Variants in SANBR observed in about 807,000 individuals in gnomAD.
SANBR encodes the protein SANT and BTB domain regulator of class switch recombination.
In SANBR, 77 loss-of-function variants were observed where a neutral mutation model predicts 101.8. The observed-to-expected ratio is 0.76, with a 90% CI of 0.63 to 0.91. SANBR has a LOEUF of 0.91. Among genes scored for constraint, SANBR ranks in the 40% least tolerant of loss-of-function variants. The pLI, the probability that SANBR is intolerant of heterozygous loss-of-function variation, is 0.00. For synonymous variants in SANBR, 279 were observed against 274.7 expected, an observed-to-expected ratio of 1.02 and a Z score of -0.15; for missense variants, 875 against 853.0, an observed-to-expected ratio of 1.03 and a Z score of -0.32.
chr2:61,101,553 G>A (rs1312978425), intron 12 of SANBR, among the ~76,000 whole-genome samples: 4 of 151,796 alleles, frequency 2.6e-5, no homozygotes, highest in Admixed American at 2.6e-4. Context: ...CTAACACGCT[G>A]AAACGCCTTC....
In SANBR at chr2:61,070,267, A is replaced by G. The variant is rs1035471327; in HGVS notation, c.-9-75A>G. On this transcript the variant is annotated intron_variant, in intron 2 of 21. Coordinates refer to ENST00000402291, the MANE Select transcript of SANBR (RefSeq NM_001129993.3). ...AGCAGATAATTATTAGGAATGAATT[A>G]TAACTGATCTGTAATGTTCTGAAAA... 4 of 1,099,598 alleles carry G rather than the reference A, an allele frequency of 3.6e-6. No individual in the cohort carries two copies. In the African/African-American group the frequency reaches 4.9e-5, roughly 13 times the overall value. 68.1% of individuals were successfully genotyped at this position (1,099,598 alleles called of 1,614,324 possible).
At chr2:61,101,863 C>T (rs533456768) in intron 12 of SANBR, among the ~76,000 whole-genome samples, 2 of 151,308 alleles carry the variant, frequency 1.3e-5, no homozygotes, top group South Asian at 4.2e-4. Context: ...ATGGCGAAAA[C>T]ACTGTCTCTA....
At chr2:61,134,828 A>T (rs996225413) in intron 21 of SANBR, among the ~76,000 whole-genome samples, 1 of 151,202 alleles carries the variant, frequency 6.6e-6, no homozygotes, top group African/African-American at 2.4e-5. Flanking sequence ...TGGGAGGTGG[A>T]GGTTGCAGTG....
chr2:61,066,052 G>A lies in SANBR; in HGVS notation c.-147+25G>A, dbSNP rs1036170450. ...GGTGAGCGAGACGCCGAGGGGGCTC[G>A]GGTGCCCACCGCGGGGCGGGAAGTG... On this transcript the variant is annotated intron_variant, in intron 1 of 21. Transcript: ENST00000402291. 35 of 152,138 alleles carry A rather than the reference G, an allele frequency of 2.3e-4. 1 individual carries two copies. The highest frequency in any genetic ancestry group is 4.1e-4 in the Non-Finnish European group (28 of 68,146). The allele number at this position is 152,138 out of a possible 1,614,324, so 9.4% of individuals were successfully genotyped here. A position where few individuals can be genotyped will look rare whatever the true frequency, so the allele number is the denominator to read the frequency against.
intron 4 of SANBR, among the ~76,000 whole-genome samples, chr2:61,072,997 C>T (rs1205920074): frequency 6.6e-6 from 1 of 151,814 alleles, no homozygotes; most frequent in Non-Finnish European, 1.5e-5. Flanking sequence ...GAGCCTACAG[C>T]CACTCTTTAT....
chr2:61,077,153 C>G lies in SANBR; in HGVS notation c.665C>G (p.Thr222Ser). 1 of 1,585,758 alleles carries G rather than the reference C, an allele frequency of 6.3e-7. No homozygotes were observed. Among genetic ancestry groups the G allele is most frequent in the Admixed American group, 1.7e-5 (1 of 59,334 alleles). Residue 222 changes from threonine to serine, a missense_variant, in exon 6 of 22, where the codon ACT (threonine) becomes AGT (serine). Coordinates refer to ENST00000402291, the MANE Select transcript of SANBR (RefSeq NM_001129993.3). ...GAGAATAAAGATTGTGAGATGCCCA[C>G]TTTAGGTAAAAAACAATCTGTTGCT... ...TKENKDCEMP[T>S]LEPGNVISIL...
At chr2:61,124,380 G>A (rs564786143), downstream of SANBR, 14 of 496,420 alleles carry the variant, frequency 2.8e-5, no homozygotes, top group East Asian at 1.3e-3. Flanking sequence ...AATTATCTCT[G>A]CTACAAGGTG....
intron 14 of SANBR, among the ~76,000 whole-genome samples, chr2:61,107,591 A>T (rs1683634471): frequency 6.6e-6 from 1 of 152,192 alleles, no homozygotes; most frequent in Non-Finnish European, 1.5e-5. Flanking sequence ...GTGCTTTATA[A>T]ACTTCAGACA....
chr2:61,110,538 G>C (rs1389336269), intron 16 of SANBR, among the ~76,000 whole-genome samples: 1 of 152,234 alleles, frequency 6.6e-6, no homozygotes, highest in Non-Finnish European at 1.5e-5. Flanking sequence ...AATTAGCCGG[G>C]CATAATGACG....
At chr2:61,100,864 T>C (rs2104923398) in intron 12 of SANBR, among the ~76,000 whole-genome samples, 1 of 152,302 alleles carries the variant, frequency 6.6e-6, no homozygotes, top group African/African-American at 2.4e-5. Context: ...TCAACATGCC[T>C]GTTTATATCA....
chr2:61,101,509 G>A (rs1240722544), intron 12 of SANBR, among the ~76,000 whole-genome samples: 3 of 151,738 alleles, frequency 2.0e-5, no homozygotes, highest in African/African-American at 7.3e-5. Context: ...TGAGGCGGGC[G>A]GATCACGAGG....
At chr2:61,101,152 T>C (rs1314813029) in intron 12 of SANBR, among the ~76,000 whole-genome samples, 1 of 152,224 alleles carries the variant, frequency 6.6e-6, no homozygotes, top group Non-Finnish European at 1.5e-5. Context: ...TTTAGTTATA[T>C]ATTTTACATA....
intron 7 of SANBR, among the ~76,000 whole-genome samples, chr2:61,082,124 G>A (rs796946353): frequency 7.9e-5 from 12 of 152,072 alleles, no homozygotes; most frequent in African/African-American, 2.9e-4. Flanking sequence ...CTCCTGCCTC[G>A]GCCACCCAAA....
Position 61,092,458 on chromosome 2 carries a change from C to T in SANBR, c.1089-6C>T. ...CTTGCTTGTAAAATTGAGGCTCTTT[C>T]TCCAGAGATAAGACATGGGATGTTC... On this transcript the variant is annotated splice_region_variant and splice_polypyrimidine_tract_variant and intron_variant, in intron 10 of 21. Coordinates refer to ENST00000402291, the MANE Select transcript of SANBR (RefSeq NM_001129993.3). 2 of 1,534,504 alleles carry T rather than the reference C, an allele frequency of 1.3e-6. No homozygotes were observed. Among genetic ancestry groups the T allele is most frequent in the Non-Finnish European group, 1.7e-6 (2 of 1,146,076 alleles).
chr2:61,077,225 A>G (rs1681838850), intron 6 of SANBR, 67 bp downstream of exon 6: 12 of 1,131,934 alleles, frequency 1.1e-5, no homozygotes. Context: ...TCTTCAGGCC[A>G]AAAGTGAAAT....
In SANBR at chr2:61,068,001, A is replaced by G. The variant is rs1007150297; in HGVS notation, c.-146-848A>G. 3.3e-5 allele frequency among the ~76,000 whole-genome samples: 5 copies of G among 152,362 alleles called. No individual in the cohort carries two copies. In the South Asian group the frequency reaches 8.3e-4, roughly 25 times the overall value. On this transcript the variant is annotated intron_variant, in intron 1 of 21. Transcript: ENST00000402291. ...GTTTGGAGTGAATTCCAAAGGATACATTAAATGTCTCTTAAGGTTTTGTGA... is the reference window on the plus strand; with the variant it reads ...GTTTGGAGTGAATTCCAAAGGATACGTTAAATGTCTCTTAAGGTTTTGTGA...
intron 13 of SANBR, among the ~76,000 whole-genome samples, chr2:61,106,189 C>A (rs1683555425): frequency 6.6e-6 from 1 of 151,870 alleles, no homozygotes; most frequent in Admixed American, 6.6e-5. Flanking sequence ...GTCAAGAGTT[C>A]AGGACCAGCC....
chr2:61,088,307 T>G, intron 9 of SANBR, 51 bp from the exon 10 acceptor site: 2 of 1,566,340 alleles, frequency 1.3e-6, no homozygotes, highest in Non-Finnish European at 1.7e-6. Flanking sequence ...TTTAATTTAC[T>G]ACATTTACAT....
chr2:61,115,137 A>C (rs1046252959), intron 16 of SANBR, among the ~76,000 whole-genome samples: 5 of 152,206 alleles, frequency 3.3e-5, no homozygotes, highest in African/African-American at 1.2e-4. Flanking sequence ...CCCTTAAAAG[A>C]ATAATAAAAT....
Sources: allele counts gnomAD v4.1 joint callset (sites outside exome capture counted in the v4.1 genomes callset), GRCh38; gene constraint gnomAD v4.1.1; transcripts MANE v1.5; gene names NCBI Gene and HGNC (gene_info 2026-07-23, HGNC 2026-07-21).